Variants in EVI5 observed in about 807,000 individuals in gnomAD.
EVI5 encodes ecotropic viral integration site 5, also known as ecotropic viral integration site 5 protein homolog.
A neutral mutation model predicts 112.0 loss-of-function variants in EVI5; 73 were observed. The observed-to-expected ratio is 0.65, with a 90% CI of 0.54 to 0.79. EVI5 has a LOEUF of 0.79. Among genes scored for constraint, EVI5 ranks in the 30% least tolerant of loss-of-function variants. The probability of loss-of-function intolerance (pLI) is 0.00; values close to 1 mark genes in which losing one functional copy is unlikely to be tolerated. For synonymous variants in EVI5, 305 were observed against 319.9 expected (o/e 0.95, Z 0.50); for missense variants, 900 against 968.8 (o/e 0.93, Z 0.94).
intron 17 of EVI5, among the ~76,000 whole-genome samples, chr1:92,606,006 G>A (rs917368629): frequency 1.3e-5 from 2 of 152,162 alleles, no homozygotes; most frequent in African/African-American, 4.8e-5. Context: ...AGGTGCTAGG[G>A]TAACAATACA....
chr1:92,672,540 CCT>C (rs745408044), intron 10 of EVI5, among the ~76,000 whole-genome samples: 2 of 152,160 alleles, frequency 1.3e-5, no homozygotes, highest in Non-Finnish European at 2.9e-5. Context: ...ATTCTCTTTC[CCT>C]GAGGTTATTT....
chr1:92,549,591 C>T (rs1449126105), intron 19 of EVI5, among the ~76,000 whole-genome samples: 2 of 151,898 alleles, frequency 1.3e-5, no homozygotes, highest in Non-Finnish European at 2.9e-5. Context: ...ATTTTCGCAA[C>T]CTACTCATCT....
At chr1:92,726,029 T>C (rs528554177) in intron 2 of EVI5, among the ~76,000 whole-genome samples, 1 of 152,282 alleles carries the variant, frequency 6.6e-6, no homozygotes, top group South Asian at 2.1e-4. Context: ...TTTGAATACG[T>C]AGCAACTTTC....
intron 1 of EVI5, 25 bp from the exon 2 acceptor site, chr1:92,736,652 T>C: frequency 2.1e-6 from 3 of 1,451,694 alleles, no homozygotes; most frequent in Non-Finnish European, 1.9e-6. Flanking sequence ...AAAAGTTGCA[T>C]ATACTTTAGT....
chr1:92,569,092 C>T (rs1669927867), intron 18 of EVI5, among the ~76,000 whole-genome samples: 1 of 152,164 alleles, frequency 6.6e-6, no homozygotes, highest in Admixed American at 6.5e-5. Flanking sequence ...TGGAGAAATA[C>T]TGGCACTTAT....
chr1:92,779,832 T>TTCCC (rs1684631350), intron 1 of EVI5, among the ~76,000 whole-genome samples: 1 of 152,072 alleles, frequency 6.6e-6, no homozygotes, highest in Non-Finnish European at 1.5e-5. Context: ...AGCCTAGGAG[T>TTCCC]TCCCAGGTAT....
At chr1:92,527,924 G>A (rs988115225) in intron 19 of EVI5, among the ~76,000 whole-genome samples, 3 of 152,114 alleles carry the variant, frequency 2.0e-5, no homozygotes, top group Non-Finnish European at 4.4e-5. Flanking sequence ...ATGCTGCTAT[G>A]AGCATTCTTA....
At chr1:92,706,566 A>G (rs566646609) in intron 2 of EVI5, among the ~76,000 whole-genome samples, 47 of 152,360 alleles carry the variant, frequency 3.1e-4, no homozygotes, top group African/African-American at 1.1e-3. Flanking sequence ...TAATCCAAGT[A>G]TAGATGAAGA....
At chr1:92,637,970 C>A (rs1271351905) in intron 13 of EVI5, among the ~76,000 whole-genome samples, 6 of 152,164 alleles carry the variant, frequency 3.9e-5, no homozygotes, top group Non-Finnish European at 5.9e-5. Context: ...CAAATACTTA[C>A]CTTTTATCAA....
At chr1:92,548,673 A>G (rs1243183391) in intron 19 of EVI5, among the ~76,000 whole-genome samples, 2 of 152,250 alleles carry the variant, frequency 1.3e-5, no homozygotes, top group African/African-American at 4.8e-5. Flanking sequence ...TCAATGTGCA[A>G]AAATCACAAG....
intron 18 of EVI5, among the ~76,000 whole-genome samples, chr1:92,592,664 G>C (rs1037686814): frequency 6.6e-6 from 1 of 151,916 alleles, no homozygotes; most frequent in Non-Finnish European, 1.5e-5. Context: ...AAAATAAATA[G>C]ACCACTAGCA....
At chr1:92,688,251 G>T (rs990665364) in intron 9 of EVI5, among the ~76,000 whole-genome samples, 1 of 152,120 alleles carries the variant, frequency 6.6e-6, no homozygotes. Context: ...GATGAAGCTG[G>T]AAACCATGAT....
chr1:92,637,833 C>CG (rs1659195144), intron 13 of EVI5, among the ~76,000 whole-genome samples: 1 of 151,762 alleles, frequency 6.6e-6, no homozygotes, highest in Admixed American at 6.6e-5. Flanking sequence ...CCCCAGTTAC[C>CG]AAAAAAAGAT....
intron 19 of EVI5, among the ~76,000 whole-genome samples, chr1:92,547,411 T>C (rs1236617123): frequency 1.3e-5 from 2 of 152,048 alleles, no homozygotes; most frequent in Non-Finnish European, 2.9e-5. Context: ...GATCTAAAAT[T>C]GACACCCTAA....
intron 1 of EVI5, among the ~76,000 whole-genome samples, chr1:92,790,907 G>C (rs891803479): frequency 1.3e-5 from 2 of 151,722 alleles, no homozygotes; most frequent in African/African-American, 4.8e-5. Context: ...AGAAGACTCT[G>C]ACATCATCTT....
At chr1:92,753,291 ACTAGCCTAGG>A (rs1235955184) in intron 1 of EVI5, among the ~76,000 whole-genome samples, 2 of 152,202 alleles carry the variant, frequency 1.3e-5, no homozygotes, top group Non-Finnish European at 2.9e-5. Context: ...GGAGTTCAAG[ACTAGCCTAGG>A]CTACACAGTG....
intron 17 of EVI5, 39 bp downstream of exon 17, chr1:92,607,542 T>C: frequency 6.9e-7 from 1 of 1,447,768 alleles, no homozygotes; most frequent in Non-Finnish European, 9.3e-7. Context: ...GGCATTATTA[T>C]ATTGACAAAA....
chr1:92,635,119 CG>C (rs879798216), intron 14 of EVI5, among the ~76,000 whole-genome samples: 6 of 152,182 alleles, frequency 3.9e-5, no homozygotes, highest in Non-Finnish European at 8.8e-5. Context: ...TTAGGCTACT[CG>C]GGGGTCAGGG....
chr1:92,773,098 C>T (rs1204656735), intron 1 of EVI5, among the ~76,000 whole-genome samples: 4 of 147,738 alleles, frequency 2.7e-5, no homozygotes, highest in Non-Finnish European at 4.5e-5. Context: ...TCCCAGCACT[C>T]GGGAGGCTGA....
Sources: gnomAD v4.1 joint callset for allele counts (sites outside exome capture counted in the v4.1 genomes callset) on GRCh38, gnomAD v4.1.1 for gene constraint, MANE v1.5 for transcripts, NCBI Gene and HGNC (gene_info 2026-07-23, HGNC 2026-07-21) for gene names.